TAOK1: variants seen among roughly 807,000 people sequenced by gnomAD.
The protein encoded by TAOK1 is TAO kinase 1.
In TAOK1, 21 loss-of-function variants were observed where a neutral mutation model predicts 138.3. The ratio of observed to expected loss-of-function variants is 0.15; its 90% CI spans 0.11 to 0.22. The LOEUF is 0.22. Among genes scored for constraint, TAOK1 ranks in the 10% least tolerant of loss-of-function variants. The pLI is 1.00. For missense variants in TAOK1, 651 were observed against 1,227.7 expected (o/e 0.53, Z 7.02); for synonymous variants, 361 against 398.4 (o/e 0.91, Z 1.12).
intron 1 of TAOK1, among the ~76,000 whole-genome samples, chr17:29,402,455 A>G (rs1567708230): frequency 2.0e-5 from 3 of 151,944 alleles, no homozygotes; most frequent in Non-Finnish European, 4.4e-5. Flanking sequence ...GTCATGCGCC[A>G]CCATACCTGA....
intron 1 of TAOK1, among the ~76,000 whole-genome samples, chr17:29,432,263 C>T (rs1322002830): frequency 2.0e-4 from 30 of 152,194 alleles, no homozygotes; most frequent in Admixed American, 2.0e-3. Context: ...AAGGTATGGG[C>T]CCTGGCTAGT....
intron 1 of TAOK1, among the ~76,000 whole-genome samples, chr17:29,394,602 A>G (rs1000599845): frequency 1.3e-5 from 2 of 152,106 alleles, no homozygotes; most frequent in African/African-American, 4.8e-5. Context: ...TGTGTTTTGC[A>G]TTTGGCTTAT....
In TAOK1 at chr17:29,391,012, T is replaced by A. The variant is rs1375199095; in HGVS notation, c.-107T>A. On this transcript the variant is annotated 5_prime_UTR_variant, in exon 1 of 20. Coordinates refer to ENST00000261716, the MANE Select transcript of TAOK1 (RefSeq NM_020791.4). ...GCGCCTGCCTGCTCCGCCCCAGACC[T>A]GTCGGCGAAAGGGTAAGGGCACCTC... 3 of 151,502 alleles carry A rather than the reference T, an allele frequency of 2.0e-5. No homozygotes were observed. Among genetic ancestry groups the A allele is most frequent in the Admixed American group, 2.0e-4 (3 of 15,204 alleles). The allele number at this position is 151,502 out of a possible 1,614,324, so 9.4% of individuals were successfully genotyped here.
intron 11 of TAOK1, among the ~76,000 whole-genome samples, chr17:29,496,548 C>T (rs2681175): frequency 1.4e-5 from 2 of 144,234 alleles, no homozygotes; most frequent in African/African-American, 5.2e-5. Context: ...GACTGTGTCA[C>T]CAAAGAAACT....
chr17:29,475,860 T>C lies in TAOK1; in HGVS notation c.306+89T>C, dbSNP rs547405594. 269 of 969,444 alleles carry C rather than the reference T, an allele frequency of 2.8e-4. No homozygotes were observed. In the African/African-American group the frequency reaches 3.7e-3, roughly 13 times the overall value. The allele number at this position is 969,444 out of a possible 1,614,324, so 60.1% of individuals were successfully genotyped here. On this transcript the variant is annotated intron_variant, in intron 4 of 19. Coordinates refer to ENST00000261716, the MANE Select transcript of TAOK1 (RefSeq NM_020791.4). ...GAATATCTCATACTGGTTGTGTAAA[T>C]GCATGCAAAAACACCTGAAATGTTA...
chr17:29,410,817 T>G, intron 1 of TAOK1, among the ~76,000 whole-genome samples: 1 of 142,356 alleles, frequency 7.0e-6, no homozygotes, highest in Middle Eastern at 4.2e-3. Flanking sequence ...TTTTTTTTAG[T>G]AGAGACGGGG....
At chr17:29,439,864 TAAAAAAAA>T (rs371960597) in intron 1 of TAOK1, among the ~76,000 whole-genome samples, 22 of 118,174 alleles carry the variant, frequency 1.9e-4, no homozygotes, top group South Asian at 5.7e-4. Context: ...CTCTGTCTCC[TAAAAAAAA>T]AAAAAAAAAA....
chr17:29,417,306 C>T (rs190894799), intron 1 of TAOK1, among the ~76,000 whole-genome samples: 3 of 152,292 alleles, frequency 2.0e-5, no homozygotes, highest in Non-Finnish European at 2.9e-5. Flanking sequence ...TGAGCCACCG[C>T]GCCCAGCCCC....
intron 1 of TAOK1, among the ~76,000 whole-genome samples, chr17:29,417,082 C>T (rs997561116): frequency 1.3e-5 from 2 of 152,064 alleles, no homozygotes; most frequent in African/African-American, 4.8e-5. Context: ...GGCACTTTCT[C>T]GGCTCACTGC....
Position 29,495,537 on chromosome 17 carries a change from C to A in TAOK1, c.832-23C>A, listed in dbSNP as rs555834084. ...GTCACTAATTGAAAAAAAAATCAAC[C>A]TTTTACCTTCTACCCTATCTAGCAC... On this transcript the variant is annotated intron_variant, in intron 10 of 19. Coordinates refer to ENST00000261716, the MANE Select transcript of TAOK1 (RefSeq NM_020791.4). 24 of 1,521,022 alleles carry A rather than the reference C, an allele frequency of 1.6e-5. No individual in the cohort carries two copies. In the South Asian group the frequency reaches 2.9e-4, roughly 18 times the overall value. The allele number at this position is 1,521,022 out of a possible 1,614,324, so 94.2% of individuals were successfully genotyped here. A position where few individuals can be genotyped will look rare whatever the true frequency, so the allele number is the denominator to read the frequency against.
chr17:29,496,536 T>G (rs1236940239), intron 11 of TAOK1, among the ~76,000 whole-genome samples: 1 of 150,802 alleles, frequency 6.6e-6, no homozygotes, highest in Non-Finnish European at 1.5e-5. Flanking sequence ...TAGTAGGCAT[T>G]CGACTGTGTC....
At chr17:29,539,599 GCTAA>G (rs1244219241) in intron 19 of TAOK1, among the ~76,000 whole-genome samples, 1 of 152,108 alleles carries the variant, frequency 6.6e-6, no homozygotes, top group African/African-American at 2.4e-5. Flanking sequence ...ACCATGCCCG[GCTAA>G]TCATGTATTT....
intron 19 of TAOK1, among the ~76,000 whole-genome samples, chr17:29,537,315 G>A (rs2032238980): frequency 6.6e-6 from 1 of 151,948 alleles, no homozygotes; most frequent in Non-Finnish European, 1.5e-5. Context: ...AATACATCTT[G>A]GAAAGCAATT....
In TAOK1 at chr17:29,421,172, G is replaced by A. The variant is rs141887276; in HGVS notation, c.-95+30148G>A. The stretch of plus-strand genomic sequence containing the variant: ...CTCAGTCTCCTCGACCTTGTGATCC[G>A]CCCGCCTTGGCCTCCCGGAGTGCTG... On this transcript the variant is annotated intron_variant, in intron 1 of 19. Transcript: ENST00000261716. 9.4e-3 allele frequency among the ~76,000 whole-genome samples: 1,409 copies of A among 150,394 alleles called. 17 individuals carry two copies. The highest frequency in any genetic ancestry group is 0.016 in the Admixed American group (236 of 15,128).
At chr17:29,465,666 T>C (rs1404431626) in intron 2 of TAOK1, among the ~76,000 whole-genome samples, 1 of 152,150 alleles carries the variant, frequency 6.6e-6, no homozygotes, top group Non-Finnish European at 1.5e-5. Flanking sequence ...AGAGCCTGAA[T>C]TGAAAACGAG....
rs377577322 is a variant in TAOK1, at chr17:29,411,579, G to A, written c.-95+20555G>A. On this transcript the variant is annotated intron_variant, in intron 1 of 19. Coordinates refer to ENST00000261716, the MANE Select transcript of TAOK1 (RefSeq NM_020791.4). ...GCTAATTTTTTTTTTTTGTGGTAGC[G>A]ATGGTGTTTCACCGTGTTGGTCAAG... Among the ~76,000 whole-genome samples the A allele has an allele frequency of 2.4e-4, 36 of 151,158 alleles. No homozygotes were observed. The South Asian group carries it at 6.0e-3, about 25-fold the overall frequency.
At chr17:29,447,461 G>A (rs1231524265) in intron 1 of TAOK1, among the ~76,000 whole-genome samples, 3 of 152,066 alleles carry the variant, frequency 2.0e-5, no homozygotes, top group African/African-American at 7.2e-5. Flanking sequence ...CTCCCGAGTA[G>A]CTGGGACTAC....
At chr17:29,394,743 A>G (rs538188567) in intron 1 of TAOK1, among the ~76,000 whole-genome samples, 29 of 152,312 alleles carry the variant, frequency 1.9e-4, no homozygotes, top group African/African-American at 6.3e-4. Context: ...TTTGGTACAT[A>G]TTAGTTGAGG....
At chr17:29,448,972 G>C (rs779173198) in intron 1 of TAOK1, among the ~76,000 whole-genome samples, 4 of 152,122 alleles carry the variant, frequency 2.6e-5, no homozygotes, top group Admixed American at 2.6e-4. Context: ...TTCTAATAGA[G>C]TTAAGGTTTT....
Sources: gnomAD v4.1 joint callset for allele counts (sites outside exome capture counted in the v4.1 genomes callset) on GRCh38, gnomAD v4.1.1 for gene constraint, MANE v1.5 for transcripts, NCBI Gene and HGNC (gene_info 2026-07-23, HGNC 2026-07-21) for gene names.